The following NCOA2 variants were observed in gnomAD, a reference collection of about 807,000 sequenced individuals.
NCOA2 encodes the protein nuclear receptor coactivator 2, also known as class E basic helix-loop-helix protein 75.
In NCOA2, 21 loss-of-function variants were observed where a neutral mutation model predicts 145.1. The ratio of observed to expected loss-of-function variants is 0.14; its 90% confidence interval spans 0.10 to 0.21. The LOEUF is 0.21. NCOA2 is among the 10% of genes least tolerant of loss of function. The pLI is 1.00. For synonymous variants in NCOA2, 619 were observed against 637.5 expected (o/e 0.97, Z 0.44); for missense variants, 1,472 against 1,837.6 (o/e 0.80, Z 3.64).
chr8:70,155,718 T>A (rs1253273457), intron 11 of NCOA2, among the ~76,000 whole-genome samples: 1 of 152,214 alleles, frequency 6.6e-6, no homozygotes, highest in Non-Finnish European at 1.5e-5. Flanking sequence ...ACAGAGACTA[T>A]ATGGCCTGCA....
rs941098608 is a variant in NCOA2, at chr8:70,382,303, C to T, written c.-77+21397G>A. Among the ~76,000 whole-genome samples the T allele has an allele frequency of 2.7e-4, 41 of 152,008 alleles. 1 individual carries two copies. Among genetic ancestry groups the T allele is most frequent in the Admixed American group, 2.3e-3 (35 of 15,272 alleles). On this transcript the variant is annotated intron_variant, in intron 1 of 22. Coordinates refer to ENST00000452400, the MANE Select transcript of NCOA2 (RefSeq NM_006540.4). ...GGCCCACCTGACACAAGCAGGCAGA[C>T]GGCTTTTTGACTTCGAAGATCACTT...
At chr8:70,163,436 C>A (rs750878969) in intron 8 of NCOA2, 29 bp downstream of exon 8, 2 of 1,504,170 alleles carry the variant, frequency 1.3e-6, no homozygotes, top group Non-Finnish European at 1.8e-6. Flanking sequence ...AAAATGATTC[C>A]TTTGGTCTTC....
At chr8:70,184,986 A>C (rs1815894994) in intron 4 of NCOA2, among the ~76,000 whole-genome samples, 2 of 152,074 alleles carry the variant, frequency 1.3e-5, no homozygotes, top group South Asian at 4.1e-4. Flanking sequence ...TCCCCAATGC[A>C]TTTTGTTCCA....
In NCOA2 at chr8:70,110,836, C is replaced by T. The variant is rs1184444673; in HGVS notation, c.*2796G>A. 1 of 223,896 alleles carries T rather than the reference C, an allele frequency of 4.5e-6. No individual in the cohort carries two copies. The highest frequency in any genetic ancestry group is 2.2e-5 in the African/African-American group (1 of 44,798). The allele number at this position is 223,896 out of a possible 1,614,324, so 13.9% of individuals were successfully genotyped here. A position where few individuals can be genotyped will look rare whatever the true frequency, so the allele number is the denominator to read the frequency against. On this transcript the variant is annotated 3_prime_UTR_variant, in exon 23 of 23. Coordinates refer to ENST00000452400, the MANE Select transcript of NCOA2 (RefSeq NM_006540.4). ...TTAAACTTACCACATTACATGAACA[C>T]TTAAAATGAGTTTTACAACCAAGTT...
At chr8:70,340,793 A>G (rs1011437231) in intron 1 of NCOA2, among the ~76,000 whole-genome samples, 2 of 152,186 alleles carry the variant, frequency 1.3e-5, no homozygotes, top group African/African-American at 4.8e-5. Context: ...ACATGAATGG[A>G]CATGAAGTTA....
chr8:70,157,334 T>A, intron 10 of NCOA2, 94 bp from the exon 11 acceptor site: 1 of 1,094,878 alleles, frequency 9.1e-7, no homozygotes, highest in Non-Finnish European at 1.3e-6. Context: ...CTCTTCACCT[T>A]AAAAGAACAG....
intron 1 of NCOA2, among the ~76,000 whole-genome samples, chr8:70,366,109 C>T (rs987927399): frequency 6.6e-6 from 1 of 152,210 alleles, no homozygotes; most frequent in African/African-American, 2.4e-5. Context: ...TGTTCATTCA[C>T]TGCCTGGCCT....
At chr8:70,359,099 G>C (rs1174852280) in intron 1 of NCOA2, among the ~76,000 whole-genome samples, 1 of 152,158 alleles carries the variant, frequency 6.6e-6, no homozygotes, top group Non-Finnish European at 1.5e-5. Context: ...TGTTGGTGAG[G>C]ATGTAGCGAA....
At chr8:70,312,566 G>T (rs530770119) in intron 1 of NCOA2, among the ~76,000 whole-genome samples, 6 of 151,808 alleles carry the variant, frequency 4.0e-5, no homozygotes, top group African/African-American at 1.5e-4. Flanking sequence ...TTGTTCCAAT[G>T]AACAAAATCA....
chr8:70,288,872 G>C (rs1166748924), intron 2 of NCOA2, among the ~76,000 whole-genome samples: 2 of 152,122 alleles, frequency 1.3e-5, no homozygotes, highest in Admixed American at 6.5e-5. Flanking sequence ...TGAATATTTT[G>C]AAGCAGCAGC....
At chr8:70,261,112 A>AGT (rs1237431647) in intron 2 of NCOA2, among the ~76,000 whole-genome samples, 2 of 152,246 alleles carry the variant, frequency 1.3e-5, no homozygotes, top group Non-Finnish European at 2.9e-5. Flanking sequence ...GCATATACCC[A>AGT]AAGGATTATA....
chr8:70,147,201 C>T (rs1398180387), intron 12 of NCOA2, among the ~76,000 whole-genome samples: 1 of 151,644 alleles, frequency 6.6e-6, no homozygotes, highest in Non-Finnish European at 1.5e-5. Context: ...GGCGCAATCT[C>T]GGACCACTGC....
rs139442472 is a variant in NCOA2 at position 70,301,846 on chromosome 8, C to T, written c.-76-5046G>A. On this transcript the variant is annotated intron_variant, in intron 1 of 22. Transcript: ENST00000452400. ...GCCAGCACCACCTTAATCAAGCCAGCCAGACAGACTGGCAGGAAAAAAGAG... is the reference window on the plus strand; with the variant it reads ...GCCAGCACCACCTTAATCAAGCCAGTCAGACAGACTGGCAGGAAAAAAGAG... Among the ~76,000 whole-genome samples, 311 of 151,848 alleles carry T rather than the reference C, an allele frequency of 2.0e-3. 1 individual carries two copies. The highest frequency in any genetic ancestry group is 6.4e-3 in the African/African-American group (266 of 41,400).
chr8:70,260,116 C>A (rs1823989484), intron 2 of NCOA2, among the ~76,000 whole-genome samples: 1 of 152,170 alleles, frequency 6.6e-6, no homozygotes, highest in Non-Finnish European at 1.5e-5. Context: ...GATCCATTTT[C>A]CAGTAGCTTA....
At chr8:70,450,973 T>G in the NCOA2 span, among the ~76,000 whole-genome samples, 1 of 150,710 alleles carries the variant, frequency 6.6e-6, no homozygotes, top group African/African-American at 2.4e-5. Context: ...TTCCAGCACT[T>G]TGGGAGCTGA....
chr8:70,155,707 GAC>G (rs1812202692), intron 11 of NCOA2, among the ~76,000 whole-genome samples: 1 of 152,180 alleles, frequency 6.6e-6, no homozygotes, highest in Non-Finnish European at 1.5e-5. Context: ...GAATGGCTGT[GAC>G]AGAGACTATA....
intron 2 of NCOA2, among the ~76,000 whole-genome samples, chr8:70,263,056 G>A (rs1377692217): frequency 6.6e-6 from 1 of 151,070 alleles, no homozygotes; most frequent in Non-Finnish European, 1.5e-5. Flanking sequence ...TCACTTAAAG[G>A]AAGCACTTTA....
chr8:70,143,082 C>T (rs763664388), intron 13 of NCOA2, among the ~76,000 whole-genome samples: 58 of 151,604 alleles, frequency 3.8e-4, no homozygotes, highest in Admixed American at 7.2e-4. Flanking sequence ...CCTGAGTAGC[C>T]GGGATTACAG....
intron 13 of NCOA2, among the ~76,000 whole-genome samples, chr8:70,141,727 C>G (rs891417068): frequency 6.6e-6 from 1 of 152,170 alleles, no homozygotes; most frequent in Non-Finnish European, 1.5e-5. Context: ...AGCTGATATA[C>G]ACGTCAATGC....
Sources: allele counts gnomAD v4.1 joint callset (sites outside exome capture counted in the v4.1 genomes callset), GRCh38; gene constraint gnomAD v4.1.1; transcripts MANE v1.5; gene names NCBI Gene and HGNC (gene_info 2026-07-23, HGNC 2026-07-21).